Variants in DNAI4 observed in about 807,000 individuals in gnomAD.
DNAI4 encodes the protein WD repeat domain 78.
DNAI4 carries 85 observed loss-of-function variants against 105.8 expected under a neutral mutation model. The observed-to-expected ratio is 0.80, with a 90% CI of 0.67 to 0.96. The LOEUF (loss-of-function observed/expected upper bound fraction) is 0.96, where lower values mean the gene tolerates loss of function less well. Ranked by LOEUF, DNAI4 falls within the 40% of genes least tolerant of loss-of-function variation. DNAI4 has a pLI of 0.00. For missense variants in DNAI4, 1,014 were observed against 1,005.6 expected (o/e 1.01, Z -0.11); for synonymous variants, 352 against 331.5 (o/e 1.06, Z -0.67).
In DNAI4 at chr1:66,822,241, TTA is replaced by T. The variant is rs922361957; in HGVS notation, c.2496+118_2496+119del. 1.2e-5 allele frequency: 12 copies of T among 969,668 alleles called. No homozygotes were observed. The African/African-American group carries it at 1.5e-4, about 12-fold the overall frequency. The allele number at this position is 969,668 out of a possible 1,614,324, so 60.1% of individuals were successfully genotyped here. A position where few individuals can be genotyped will look rare whatever the true frequency, so the allele number is the denominator to read the frequency against. Reference sequence around the variant, plus strand: ...TATAGAAGTTAGCAACTCCTGGAATTTATGTTCTTTTATTATATTACACCTAA... The same window carrying T: ...TATAGAAGTTAGCAACTCCTGGAATTTGTTCTTTTATTATATTACACCTAA... On this transcript the variant is annotated intron_variant, in intron 16 of 16. Transcript: ENST00000371026.
At chr1:66,868,617 G>C (rs1370810129) in intron 6 of DNAI4, among the ~76,000 whole-genome samples, 1 of 152,132 alleles carries the variant, frequency 6.6e-6, no homozygotes, top group East Asian at 1.9e-4. Flanking sequence ...TTCAGAGGTA[G>C]ACTGGAATCG....
chr1:66,856,736 A>T (rs1646510349), intron 7 of DNAI4, among the ~76,000 whole-genome samples: 1 of 152,098 alleles, frequency 6.6e-6, no homozygotes, highest in Non-Finnish European at 1.5e-5. Flanking sequence ...TAAATAACAA[A>T]TAGGTCAAAG....
intron 1 of DNAI4, among the ~76,000 whole-genome samples, chr1:66,923,932 T>C (rs1650833053): frequency 6.6e-6 from 1 of 152,144 alleles, no homozygotes; most frequent in African/African-American, 2.4e-5. Context: ...CAACAGAATG[T>C]TGGAAGCAGG....
intron 15 of DNAI4, among the ~76,000 whole-genome samples, chr1:66,822,837 T>C (rs1319583856): frequency 6.6e-6 from 1 of 152,182 alleles, no homozygotes; most frequent in African/African-American, 2.4e-5. Flanking sequence ...CAAACATCAG[T>C]CTATTGTAAA....
At chr1:66,828,693 T>G (rs1645805213) in intron 13 of DNAI4, 2 of 152,210 alleles carry the variant, frequency 1.3e-5, no homozygotes, top group South Asian at 4.1e-4. Context: ...ATATCTTCTC[T>G]CAGTGTATGA....
chr1:66,906,913 A>G (rs994338149), intron 1 of DNAI4: 11 of 152,110 alleles, frequency 7.2e-5, no homozygotes, highest in South Asian at 6.2e-4. Context: ...TTCTTATCTA[A>G]GACTAACCTT....
intron 4 of DNAI4, among the ~76,000 whole-genome samples, chr1:66,889,594 A>G (rs1280311890): frequency 6.6e-6 from 1 of 152,184 alleles, no homozygotes; most frequent in Non-Finnish European, 1.5e-5. Flanking sequence ...ATCCCCCAAC[A>G]TCAGAAAGAA....
At chr1:66,877,818 T>C (rs1454573597) in intron 4 of DNAI4, among the ~76,000 whole-genome samples, 2 of 152,144 alleles carry the variant, frequency 1.3e-5, no homozygotes, top group South Asian at 4.1e-4. Context: ...ATGTATTTTG[T>C]AGAATGTCCT....
chr1:66,827,849 T>G lies in DNAI4; in HGVS notation c.2075A>C (p.Tyr692Ser), dbSNP rs753011241. The G allele has an allele frequency of 1.2e-6, 2 of 1,605,764 alleles. No individual in the cohort carries two copies. The highest frequency in any genetic ancestry group is 4.5e-5 in the East Asian group (2 of 44,450). Residue 692 changes from tyrosine (Y) to serine (S), a missense_variant, in exon 14 of 17, where the codon TAT becomes TCT. Tyr to Ser is a moderately radical substitution (Grantham distance 144). Coordinates refer to ENST00000371026, the MANE Select transcript of DNAI4 (RefSeq NM_024763.5). ...GTAGGTATCTAAGTATTGTTCATTA[T>G]ATGAACAAGAACATTTGTGAATATG... ...EGHIHKCSCS[Y>S]NEQYLDTYRG... is the part of the protein sequence containing the mutation.
In DNAI4 at chr1:66,834,019, C is replaced by A; in HGVS notation, c.1863G>T (p.Trp621Cys). ...SISADGRISKWVIRKGLDCYD... is the reference protein window; with the variant it reads ...SISADGRISKCVIRKGLDCYD... ...AACAGTCTAGTCCTTTTCGTATAAC[C>A]CATTTGGAGATTCTTCCATCTGCTG... Residue 621 changes from tryptophan to cysteine, a missense_variant, in exon 12 of 17, where the codon TGG becomes TGT. Trp to Cys is a radical substitution (Grantham distance 215). Transcript: ENST00000371026. 2.5e-6 allele frequency: 4 copies of A among 1,607,098 alleles called. No individual in the cohort carries two copies. Among genetic ancestry groups the A allele is most frequent in the Non-Finnish European group, 3.4e-6 (4 of 1,178,006 alleles).
At chr1:66,912,384 G>A (rs1031804308) in intron 1 of DNAI4, among the ~76,000 whole-genome samples, 29 of 151,794 alleles carry the variant, frequency 1.9e-4, no homozygotes, top group African/African-American at 6.5e-4. Context: ...CAGGAGAATC[G>A]CTTGAATCTG....
chr1:66,903,465 G>A (rs1648994676), intron 2 of DNAI4, among the ~76,000 whole-genome samples: 1 of 152,064 alleles, frequency 6.6e-6, no homozygotes. Context: ...ACATCAGAGA[G>A]AACTTTACTT....
At chr1:66,905,589 T>C (rs1217828969) in intron 1 of DNAI4, among the ~76,000 whole-genome samples, 2 of 152,164 alleles carry the variant, frequency 1.3e-5, no homozygotes, top group Admixed American at 6.5e-5. Context: ...TCCAAGAGGT[T>C]GCTATTAATA....
intron 4 of DNAI4, among the ~76,000 whole-genome samples, chr1:66,884,008 C>G (rs1163273937): frequency 6.6e-6 from 1 of 152,198 alleles, no homozygotes; most frequent in African/African-American, 2.4e-5. Context: ...CCTTTGTTAA[C>G]TACCATTCTA....
At chr1:66,921,753 C>A (rs1443420159) in intron 1 of DNAI4, among the ~76,000 whole-genome samples, 1 of 152,170 alleles carries the variant, frequency 6.6e-6, no homozygotes, top group East Asian at 1.9e-4. Context: ...AACACTCATT[C>A]ATTCAGCAAA....
rs373418615 is a variant in DNAI4, at chr1:66,840,687, A to C, written c.1292-16T>G. 10 of 1,613,530 alleles carry C rather than the reference A, an allele frequency of 6.2e-6. No homozygotes were observed. Among genetic ancestry groups the C allele is most frequent in the Non-Finnish European group, 8.5e-6 (10 of 1,179,894 alleles). On this transcript the variant is annotated splice_polypyrimidine_tract_variant and intron_variant, in intron 8 of 16. Coordinates refer to ENST00000371026, the MANE Select transcript of DNAI4 (RefSeq NM_024763.5). ...GGTTCAGGTTCTAAAGTTTAAACAA[A>C]TAAAAAGATCATTGTCCTCTACATC...
rs1646155692 is a variant in DNAI4 at position 66,841,842 on chromosome 1, T to C, written c.1292-1171A>G. 3.3e-5 allele frequency among the ~76,000 whole-genome samples: 5 copies of C among 152,174 alleles called. No individual in the cohort carries two copies. In the South Asian group the frequency reaches 1.0e-3, roughly 32 times the overall value. ...TATCATTATCATTCAAAGTCCATAG[T>C]TTTACATTTTAAATTTTAGGGTTCA... On this transcript the variant is annotated intron_variant, in intron 8 of 16. Coordinates refer to ENST00000371026, the MANE Select transcript of DNAI4 (RefSeq NM_024763.5).
intron 4 of DNAI4, among the ~76,000 whole-genome samples, chr1:66,880,218 T>C (rs1042451349): frequency 2.2e-4 from 34 of 152,180 alleles, no homozygotes; most frequent in African/African-American, 7.5e-4. Flanking sequence ...ATCAGCAGCA[T>C]GAAAATGGAC....
intron 10 of DNAI4, among the ~76,000 whole-genome samples, chr1:66,837,372 A>AAAC (rs1169322427): frequency 2.6e-5 from 4 of 151,614 alleles, no homozygotes; most frequent in Non-Finnish European, 5.9e-5. Flanking sequence ...CTCAAAAAAA[A>AAAC]AAAAAAAAAA....
Sources: allele counts gnomAD v4.1 joint callset (sites outside exome capture counted in the v4.1 genomes callset), GRCh38; gene constraint gnomAD v4.1.1; transcripts MANE v1.5; gene names NCBI Gene and HGNC (gene_info 2026-07-23, HGNC 2026-07-21).